CPEB4: variants seen among roughly 807,000 people sequenced by gnomAD.
The protein encoded by CPEB4 is cytoplasmic polyadenylation element-binding protein 4.
In CPEB4, 12 loss-of-function variants were observed where a neutral mutation model predicts 72.5. The ratio of observed to expected loss-of-function variants is 0.17; its 90% CI spans 0.11 to 0.27. The LOEUF (loss-of-function observed/expected upper bound fraction) is 0.27. Among genes scored for constraint, CPEB4 ranks in the 10% least tolerant of loss-of-function variants. The probability of loss-of-function intolerance (pLI) is 1.00; values close to 1 mark genes in which losing one functional copy is unlikely to be tolerated. For synonymous variants in CPEB4, 302 were observed against 326.3 expected, an observed-to-expected ratio of 0.93 and a Z score of 0.80; for missense variants, 614 against 908.5, an observed-to-expected ratio of 0.68 and a Z score of 4.17.
rs371702182 is a variant in CPEB4 at position 173,890,435 on chromosome 5, A to G, written c.702A>G (p.Pro234=). 39 of 1,613,010 alleles carry G rather than the reference A, an allele frequency of 2.4e-5. No individual in the cohort carries two copies. Among genetic ancestry groups the G allele is most frequent in the Non-Finnish European group, 3.3e-5 (39 of 1,179,516 alleles). ...TCGGGCCTCTCTCACAGCACCACCC[A>G]CATCACCCTCATTTCCAGCATCATC... ...PQIGPLSQHH[P]HHPHFQHHHS... Residue 234 remains proline (P), a synonymous_variant, in exon 1 of 10, where the codon CCA becomes CCG. Transcript: ENST00000265085.
At chr5:173,941,918 C>T (rs1018340193) in intron 3 of CPEB4, among the ~76,000 whole-genome samples, 3 of 152,196 alleles carry the variant, frequency 2.0e-5, no homozygotes, top group Non-Finnish European at 4.4e-5. Context: ...ACCTCATCCC[C>T]AGCCAAGTCC....
At chr5:173,918,667 C>T (rs1250592148) in intron 2 of CPEB4, among the ~76,000 whole-genome samples, 1 of 152,168 alleles carries the variant, frequency 6.6e-6, no homozygotes, top group East Asian at 1.9e-4. Flanking sequence ...TCATCTGCCC[C>T]GTTTACTTAC....
At chr5:173,905,496 G>A (rs1460540400) in intron 1 of CPEB4, among the ~76,000 whole-genome samples, 1 of 151,992 alleles carries the variant, frequency 6.6e-6, no homozygotes, top group African/African-American at 2.4e-5. Context: ...ACCACGCCCA[G>A]CTAATTTTTG....
chr5:173,956,181 C>G lies in CPEB4; in HGVS notation c.*44C>G, dbSNP rs752972859. ...ATTTTCAGGCCTCAGAATAAGTGCA[C>G]TCTTCTGTTCATTCTGACCCCTTCC... On this transcript the variant is annotated 3_prime_UTR_variant, in exon 10 of 10. Coordinates refer to ENST00000265085, the MANE Select transcript of CPEB4 (RefSeq NM_030627.4). 2.0e-6 allele frequency: 3 copies of G among 1,496,782 alleles called. No homozygotes were observed. In the South Asian group the frequency reaches 3.4e-5, roughly 17 times the overall value. The allele number at this position is 1,496,782 out of a possible 1,614,324, so 92.7% of individuals were successfully genotyped here. A position where few individuals can be genotyped will look rare whatever the true frequency, so the allele number is the denominator to read the frequency against.
At chr5:173,892,274 A>ATTTTTTTTTTTTTT (rs71820084) in intron 1 of CPEB4, among the ~76,000 whole-genome samples, 4 of 120,770 alleles carry the variant, frequency 3.3e-5, no homozygotes, top group South Asian at 2.8e-4. Context: ...TCTAAAAACG[A>ATTTTTTTTTTTTTT]TTTTTTTTTT....
chr5:173,898,664 G>A (rs1756113046), intron 1 of CPEB4, among the ~76,000 whole-genome samples: 1 of 152,184 alleles, frequency 6.6e-6, no homozygotes, highest in South Asian at 2.1e-4. Flanking sequence ...TGTAACTGGT[G>A]TGTGATAATT....
At position 173,943,041 on chromosome 5, in the gene CPEB4, G is replaced by A. The variant is rs764316983; in HGVS notation, c.1274G>A (p.Arg425Gln). 5.6e-6 allele frequency: 9 copies of A among 1,611,308 alleles called. No homozygotes were observed. Among genetic ancestry groups the A allele is most frequent in the Admixed American group, 1.7e-5 (1 of 59,628 alleles). ...TGACATGCAGCAAGGACATATGGGC[G>A]AAGGAGAGGTAACATTGTTTTTAAC... is the stretch of plus-strand genomic sequence containing the variant. ...SLLINARTYG[R>Q]RRGQSSLFPM... Residue 425 changes from arginine (R) to glutamine (Q), a missense_variant, in exon 4 of 10, where the codon CGA becomes CAA. By Grantham distance (43) the Arg-to-Gln change is conservative. Coordinates refer to ENST00000265085, the MANE Select transcript of CPEB4 (RefSeq NM_030627.4).
chr5:173,948,610 C>T (rs1317748294), intron 5 of CPEB4, among the ~76,000 whole-genome samples: 1 of 152,054 alleles, frequency 6.6e-6, no homozygotes. Flanking sequence ...AGAGCACAGA[C>T]CCAGGTTGAG....
intron 3 of CPEB4, among the ~76,000 whole-genome samples, chr5:173,936,922 G>A (rs11739436): frequency 6.6e-6 from 1 of 151,582 alleles, no homozygotes; most frequent in Non-Finnish European, 1.5e-5. Context: ...CAAAAAAAAC[G>A]TGTTAAGTTT....
chr5:173,919,175 TAAG>T (rs1254125933), intron 2 of CPEB4, among the ~76,000 whole-genome samples: 4 of 152,150 alleles, frequency 2.6e-5, no homozygotes, highest in South Asian at 4.1e-4. Context: ...TAGAGATAAA[TAAG>T]AAAACAAGCA....
At position 173,958,340 on chromosome 5, in the gene CPEB4, A is replaced by G. The variant is rs575952624; in HGVS notation, c.*2203A>G. 8 of 152,912 alleles carry G rather than the reference A, an allele frequency of 5.2e-5. No homozygotes were observed. Among genetic ancestry groups the G allele is most frequent in the African/African-American group, 1.9e-4 (8 of 41,584 alleles). 9.5% of individuals were successfully genotyped at this position (152,912 alleles called of 1,614,324 possible). The stretch of plus-strand genomic sequence containing the variant: ...TAGGCACACTTTTCACTGACGGGAT[A>G]TCTCTTTATGCAATACCTCAATTTT... On this transcript the variant is annotated 3_prime_UTR_variant, in exon 10 of 10. Transcript: ENST00000265085.
chr5:173,948,235 A>G (rs891882641), intron 5 of CPEB4, among the ~76,000 whole-genome samples: 1 of 152,230 alleles, frequency 6.6e-6, no homozygotes, highest in African/African-American at 2.4e-5. Flanking sequence ...GTGGTAGTTA[A>G]TACATGCAGG....
chr5:173,951,972 A>G lies in CPEB4; in HGVS notation c.1780+34A>G, dbSNP rs770190001. ...AAACAAACGACAAACTCTCTACCCT[A>G]TAGCGCAAGAAATATGAAGATCTTC... On this transcript the variant is annotated intron_variant, in intron 8 of 9. Transcript: ENST00000265085. 7 of 1,337,816 alleles carry G rather than the reference A, an allele frequency of 5.2e-6. No homozygotes were observed. In the African/African-American group the frequency reaches 8.6e-5, roughly 16 times the overall value. The allele number at this position is 1,337,816 out of a possible 1,614,324, so 82.9% of individuals were successfully genotyped here. A position where few individuals can be genotyped will look rare whatever the true frequency, so the allele number is the denominator to read the frequency against.
At chr5:173,895,130 G>T (rs968436958) in intron 1 of CPEB4, among the ~76,000 whole-genome samples, 1 of 151,942 alleles carries the variant, frequency 6.6e-6, no homozygotes, top group Admixed American at 6.6e-5. Context: ...CAAAATGAAG[G>T]TCCATATTCA....
intron 2 of CPEB4, among the ~76,000 whole-genome samples, chr5:173,921,306 T>C (rs1757064229): frequency 6.6e-6 from 1 of 152,188 alleles, no homozygotes; most frequent in Non-Finnish European, 1.5e-5. Context: ...TTAATAGTTA[T>C]TACAACAGAT....
rs1486882934 is a variant in CPEB4 at position 173,932,460 on chromosome 5, C to G, written c.1218C>G (p.Asn406Lys). Residue 406 changes from asparagine to lysine, a missense_variant, in exon 3 of 10, where the codon AAC becomes AAG. Asn to Lys is a moderately conservative substitution (Grantham distance 94). Coordinates refer to ENST00000265085, the MANE Select transcript of CPEB4 (RefSeq NM_030627.4). Reference protein sequence around the residue: ...AENDTIKGRLNYSYPGSDSSL... With the variant: ...AENDTIKGRLKYSYPGSDSSL... The stretch of plus-strand genomic sequence containing the variant: ...TTCTTTTACCTTCAGGTCGTCTAAA[C>G]TATTCATATCCAGGATCCGATAGCT... The G allele has an allele frequency of 6.2e-7, 1 of 1,612,492 alleles. No individual in the cohort carries two copies. The highest frequency in any genetic ancestry group is 1.3e-5 in the African/African-American group (1 of 74,838).
chr5:173,944,358 C>T (rs1480076551), intron 4 of CPEB4, among the ~76,000 whole-genome samples: 2 of 151,740 alleles, frequency 1.3e-5, no homozygotes, highest in African/African-American at 2.4e-5. Context: ...GTCTGTAGCC[C>T]CAGCTACTTG....
chr5:173,904,857 G>T (rs1357831735), intron 1 of CPEB4, among the ~76,000 whole-genome samples: 1 of 151,772 alleles, frequency 6.6e-6, no homozygotes, highest in Non-Finnish European at 1.5e-5. Context: ...TATAGTCCCA[G>T]CTACTTGGGA....
intron 9 of CPEB4, 50 bp downstream of exon 9, chr5:173,953,322 G>A: frequency 1.5e-6 from 2 of 1,337,814 alleles, no homozygotes; most frequent in Non-Finnish European, 2.0e-6. Context: ...TCCTCTAAAT[G>A]TGTGATTACC....
Sources: gnomAD v4.1 joint callset for allele counts (sites outside exome capture counted in the v4.1 genomes callset) on GRCh38, gnomAD v4.1.1 for gene constraint, MANE v1.5 for transcripts, NCBI Gene and HGNC (gene_info 2026-07-23, HGNC 2026-07-21) for gene names.